The following KCNIP4 variants were observed in gnomAD, a reference collection of about 807,000 sequenced individuals.
KCNIP4 encodes the protein potassium voltage-gated channel interacting protein 4, also known as Kv channel-interacting protein 4.
KCNIP4 carries 12 observed loss-of-function variants against 34.0 expected under a neutral mutation model. That is an observed-to-expected ratio of 0.35 (90% CI 0.23 to 0.57). The LOEUF is 0.57. Ranked by LOEUF, KCNIP4 falls within the 20% of genes least tolerant of loss-of-function variation. The pLI, the probability that KCNIP4 is intolerant of heterozygous loss-of-function variation, is 0.83. For synonymous variants in KCNIP4, 124 were observed against 102.2 expected (o/e 1.21, Z -1.29); for missense variants, 238 against 311.7 (o/e 0.76, Z 1.78).
At chr4:21,447,594 C>A (rs1728141711) in intron 1 of KCNIP4, among the ~76,000 whole-genome samples, 1 of 152,034 alleles carries the variant, frequency 6.6e-6, no homozygotes, top group Non-Finnish European at 1.5e-5. Context: ...ATGTTTTATT[C>A]CTATACATAC....
intron 1 of KCNIP4, among the ~76,000 whole-genome samples, chr4:21,446,395 C>T (rs1297054912): frequency 6.6e-6 from 1 of 151,870 alleles, no homozygotes; most frequent in African/African-American, 2.4e-5. Context: ...AAATGATAGA[C>T]TGGATTAAGA....
chr4:21,008,606 C>T (rs1446467634), intron 1 of KCNIP4, among the ~76,000 whole-genome samples: 1 of 151,866 alleles, frequency 6.6e-6, no homozygotes, highest in Non-Finnish European at 1.5e-5. Flanking sequence ...TCACTGCAAG[C>T]TCCGCCTCCC....
chr4:20,864,363 AT>A (rs1184925049), intron 2 of KCNIP4, among the ~76,000 whole-genome samples: 5 of 151,040 alleles, frequency 3.3e-5, no homozygotes, highest in Non-Finnish European at 7.4e-5. Flanking sequence ...ACATGTATAT[AT>A]GTATGTTATA....
chr4:21,904,574 G>C lies in KCNIP4; in HGVS notation c.61+43997C>G, dbSNP rs138254156. Among the ~76,000 whole-genome samples the C allele has an allele frequency of 1.0e-3, 153 of 152,218 alleles. 1 individual carries two copies. In the East Asian group the frequency reaches 0.027, roughly 27 times the overall value. ...CTAGAAATCTACTGTAGAAGTTTAG[G>C]GTCAAAACAGTGGAGTCATCCTGAA... On this transcript the variant is annotated intron_variant, in intron 1 of 8. Transcript: ENST00000382152.
chr4:20,811,228 A>G (rs1387774651), intron 3 of KCNIP4, among the ~76,000 whole-genome samples: 1 of 152,216 alleles, frequency 6.6e-6, no homozygotes, highest in Non-Finnish European at 1.5e-5. Flanking sequence ...TATTAAATGG[A>G]TAAATAAGTG....
intron 1 of KCNIP4, among the ~76,000 whole-genome samples, chr4:21,190,741 GA>G (rs1253635417): frequency 1.3e-5 from 2 of 150,464 alleles, no homozygotes; most frequent in Non-Finnish European, 3.0e-5. Flanking sequence ...CAAGAAGAAA[GA>G]AACTCTAATG....
At chr4:21,558,515 T>TAAATAAATAC (rs1560515603) in intron 1 of KCNIP4, among the ~76,000 whole-genome samples, 26 of 72,238 alleles carry the variant, frequency 3.6e-4, no homozygotes, top group Admixed American at 1.7e-3. Flanking sequence ...TAAATAAATA[T>TAAATAAATAC]ATAAATAAAA....
At chr4:21,149,848 T>C (rs1577788923) in intron 1 of KCNIP4, among the ~76,000 whole-genome samples, 2 of 152,224 alleles carry the variant, frequency 1.3e-5, no homozygotes, top group Non-Finnish European at 2.9e-5. Context: ...AAAGCAGGAA[T>C]AAAATTATAA....
intron 3 of KCNIP4, among the ~76,000 whole-genome samples, chr4:20,786,847 C>CT (rs3077694): frequency 6.6e-6 from 1 of 151,156 alleles, no homozygotes; most frequent in Non-Finnish European, 1.5e-5. Context: ...AGTTCTTTAT[C>CT]TTTATCAATG....
At chr4:21,774,016 C>T (rs922865508) in intron 1 of KCNIP4, among the ~76,000 whole-genome samples, 1 of 152,074 alleles carries the variant, frequency 6.6e-6, no homozygotes, top group South Asian at 2.1e-4. Context: ...CTAGCTGATG[C>T]AGTTTCTTCA....
chr4:21,294,232 A>G (rs1431590743), intron 1 of KCNIP4, among the ~76,000 whole-genome samples: 2 of 152,026 alleles, frequency 1.3e-5, no homozygotes, highest in Non-Finnish European at 1.5e-5. Context: ...AGACTCCCCT[A>G]CTATATTCAT....
At chr4:21,879,095 A>G (rs1012520897) in intron 1 of KCNIP4, among the ~76,000 whole-genome samples, 7 of 152,182 alleles carry the variant, frequency 4.6e-5, no homozygotes, top group African/African-American at 1.7e-4. Context: ...TTATGATTAT[A>G]GACAGTAGCT....
chr4:21,935,599 C>T (rs1729815644), intron 1 of KCNIP4, among the ~76,000 whole-genome samples: 1 of 152,040 alleles, frequency 6.6e-6, no homozygotes, highest in African/African-American at 2.4e-5. Flanking sequence ...CTCCTGTTCC[C>T]TTCTACACTA....
chr4:21,388,644 C>T (rs1722256811), intron 1 of KCNIP4, among the ~76,000 whole-genome samples: 1 of 152,144 alleles, frequency 6.6e-6, no homozygotes, highest in African/African-American at 2.4e-5. Context: ...AAACATCCTT[C>T]TATCCTTTTA....
intron 1 of KCNIP4, among the ~76,000 whole-genome samples, chr4:21,117,282 T>C (rs1202921077): frequency 9.9e-6 from 1 of 100,536 alleles, no homozygotes; most frequent in Non-Finnish European, 1.9e-5. Context: ...ATAGAAGATG[T>C]AGCCTGGCCG....
Position 21,017,389 on chromosome 4 carries a change from T to C in KCNIP4, c.62-134680A>G, listed in dbSNP as rs560434050. ...CTAGTGTGTGTTGTTCTCCTCAATG[T>C]GTCCATGTGTTCTCATCAATCAGCT... On this transcript the variant is annotated intron_variant, in intron 1 of 8. Transcript: ENST00000382152. Among the ~76,000 whole-genome samples, 15 of 152,284 alleles carry C rather than the reference T, an allele frequency of 9.9e-5. No homozygotes were observed. In the South Asian group the frequency reaches 3.1e-3, roughly 32 times the overall value.
At chr4:21,419,817 G>A (rs1725300194) in intron 1 of KCNIP4, among the ~76,000 whole-genome samples, 1 of 152,116 alleles carries the variant, frequency 6.6e-6, no homozygotes, top group African/African-American at 2.4e-5. Flanking sequence ...AGAATATTAT[G>A]AGACCAAATC....
intron 1 of KCNIP4, among the ~76,000 whole-genome samples, chr4:21,409,578 T>C (rs896195590): frequency 3.3e-5 from 5 of 152,218 alleles, no homozygotes; most frequent in African/African-American, 9.6e-5. Flanking sequence ...TTATTAGAAA[T>C]GTTATATTGA....
At chr4:21,380,788 T>C (rs1721435848) in intron 1 of KCNIP4, among the ~76,000 whole-genome samples, 1 of 152,026 alleles carries the variant, frequency 6.6e-6, no homozygotes, top group African/African-American at 2.4e-5. Context: ...TTTTCCTCCA[T>C]GTTCCAATAC....
Sources: allele counts gnomAD v4.1 joint callset (sites outside exome capture counted in the v4.1 genomes callset), GRCh38; gene constraint gnomAD v4.1.1; transcripts MANE v1.5; gene names NCBI Gene and HGNC (gene_info 2026-07-23, HGNC 2026-07-21).